PCDH11X: variants seen among roughly 807,000 people sequenced by gnomAD.
The protein encoded by PCDH11X is protocadherin 11 X-linked.
In PCDH11X, 18 loss-of-function variants were observed where a neutral mutation model predicts 53.3. That is an observed-to-expected ratio of 0.34 (90% confidence interval 0.23 to 0.50). The LOEUF is 0.50. PCDH11X is among the 20% of genes least tolerant of loss of function. PCDH11X has a pLI of 0.98. For missense variants in PCDH11X, 570 were observed against 1,032.4 expected, an observed-to-expected ratio of 0.55 and a Z score of 6.14; for synonymous variants, 279 against 393.3, an observed-to-expected ratio of 0.71 and a Z score of 3.44.
At chrX:92,211,313 C>T (rs1172932848) in intron 7 of PCDH11X, among the ~76,000 whole-genome samples, 2 of 110,821 alleles carry the variant, frequency 1.8e-5, no homozygotes, top group Admixed American at 1.9e-4. Context: ...TCCACACTTA[C>T]GAACAACCAG....
At chrX:92,508,059 C>T (rs1402377094) in intron 10 of PCDH11X, among the ~76,000 whole-genome samples, 1 of 110,517 alleles carries the variant, frequency 9.0e-6, no homozygotes, top group East Asian at 2.9e-4. Context: ...AAGTGATCTG[C>T]CGACCTCAGC....
At chrX:92,479,210 G>T (rs2073451685) in intron 10 of PCDH11X, among the ~76,000 whole-genome samples, 1 of 108,408 alleles carries the variant, frequency 9.2e-6, no homozygotes, top group African/African-American at 3.4e-5. Flanking sequence ...CCATTTGTTT[G>T]TATATTTTTT....
At chrX:91,851,151 A>G (rs908542541) in intron 5 of PCDH11X, among the ~76,000 whole-genome samples, 3 of 111,103 alleles carry the variant, frequency 2.7e-5, no homozygotes, top group African/African-American at 9.8e-5. Context: ...GGAGCTGTGG[A>G]AAATTATCCA....
intron 1 of PCDH11X, among the ~76,000 whole-genome samples, chrX:91,782,665 TG>T (rs1192157420): frequency 1.8e-5 from 2 of 108,152 alleles, no homozygotes; most frequent in Non-Finnish European, 3.8e-5. Flanking sequence ...AACTGCAAAT[TG>T]GAAGTTGCGG....
rs764577824 is a variant in PCDH11X, at chrX:91,950,148, TTA to T, written c.3033+70876_3033+70877del. On this transcript the variant is annotated intron_variant, in intron 6 of 10. Transcript: ENST00000682573. Reference sequence around the variant, plus strand: ...TTTGTATTTATTGTCATTCTTTAATTTAATTTTATTTATTTCAATAGCTTTCA... The same window carrying T: ...TTTGTATTTATTGTCATTCTTTAATTATTTTATTTATTTCAATAGCTTTCA... 3.4e-3 allele frequency among the ~76,000 whole-genome samples: 372 copies of T among 109,696 alleles called. 1 individual carries two copies. The highest frequency in any genetic ancestry group is 0.012 in the African/African-American group (357 of 30,253).
chrX:92,484,319 A>G (rs2073595377), intron 10 of PCDH11X, among the ~76,000 whole-genome samples: 1 of 102,957 alleles, frequency 9.7e-6, no homozygotes, highest in Non-Finnish European at 2.0e-5. Flanking sequence ...ATACATATAT[A>G]TATATGCTAG....
intron 5 of PCDH11X, among the ~76,000 whole-genome samples, chrX:91,847,254 C>T (rs1025421364): frequency 2.7e-5 from 3 of 110,693 alleles, no homozygotes; most frequent in Non-Finnish European, 5.7e-5. Flanking sequence ...CAGCCTTGAA[C>T]TCCTGGGCTC....
At chrX:92,610,854 C>A (rs1475326431) in intron 10 of PCDH11X, among the ~76,000 whole-genome samples, 1 of 111,365 alleles carries the variant, frequency 9.0e-6, no homozygotes, top group Non-Finnish European at 1.9e-5. Flanking sequence ...AATAGAAAGT[C>A]TTTTCCCCAC....
At chrX:92,102,520 T>C (rs35459742) in intron 6 of PCDH11X, among the ~76,000 whole-genome samples, 2 of 111,132 alleles carry the variant, frequency 1.8e-5, no homozygotes, top group African/African-American at 3.3e-5. Context: ...AGGGAAAGCA[T>C]GTGTGTTTTT....
chrX:91,877,556 C>A lies in PCDH11X; in HGVS notation c.1316C>A (p.Ala439Glu), dbSNP rs757122873. The change falls in exon 6 of 11, where the codon GCA (alanine) becomes GAA (glutamate). Residue 439 changes from alanine to glutamate, a missense_variant. By Grantham distance (107) the Ala-to-Glu change is moderately radical. This residue lies in a region of PCDH11X where 226 missense variants were observed against 457.5 expected (regional missense o/e 0.49). Coordinates refer to ENST00000682573, the MANE Select transcript of PCDH11X (RefSeq NM_032968.5). ...GAATATGCCATTAAATTACTGGCTG[C>A]AGATGCTGGCAAACCTCCTTTGAAT... ...TKEYAIKLLA[A>E]DAGKPPLNQS... 1 of 1,208,055 alleles carries A rather than the reference C, an allele frequency of 8.3e-7. No homozygotes were observed. The highest frequency in any genetic ancestry group is 2.2e-5 in the Admixed American group (1 of 45,466).
chrX:92,298,294 G>T, intron 8 of PCDH11X, among the ~76,000 whole-genome samples: 1 of 111,597 alleles, frequency 9.0e-6, no homozygotes, highest in African/African-American at 3.3e-5. Context: ...TGTCATAGAT[G>T]ACTCATAGTT....
intron 10 of PCDH11X, among the ~76,000 whole-genome samples, chrX:92,591,894 A>T (rs762417445): frequency 6.3e-5 from 7 of 110,488 alleles, no homozygotes; most frequent in South Asian, 7.9e-4. Flanking sequence ...GATTATGGAG[A>T]TGTCTCCTCT....
chrX:92,336,230 G>T (rs1442663658), intron 8 of PCDH11X, among the ~76,000 whole-genome samples: 3 of 111,642 alleles, frequency 2.7e-5, no homozygotes, highest in African/African-American at 9.7e-5. Context: ...ATGCATGGAA[G>T]ATCCTTTTTC....
At chrX:92,133,002 CTA>C in intron 6 of PCDH11X, among the ~76,000 whole-genome samples, 1 of 110,482 alleles carries the variant, frequency 9.1e-6, no homozygotes, top group Middle Eastern at 4.7e-3. Context: ...ATATTCATGA[CTA>C]GTCTTTTTAA....
At position 92,329,846 on chromosome X, in the gene PCDH11X, G is replaced by C. The variant is rs762674118; in HGVS notation, c.3145-57889G>C. Among the ~76,000 whole-genome samples, 108 of 111,309 alleles carry C rather than the reference G, an allele frequency of 9.7e-4. 1 individual carries two copies. Among genetic ancestry groups the C allele is most frequent in the African/African-American group, 3.4e-3 (103 of 30,737 alleles). On this transcript the variant is annotated intron_variant, in intron 8 of 10. Transcript: ENST00000682573. ...AGAAGCTGGGAAGGGTAGTGGCTGG[G>C]GGGAAGTAAGGATGGTTAATGGGTA...
intron 8 of PCDH11X, among the ~76,000 whole-genome samples, chrX:92,302,692 C>A (rs1465643801): frequency 9.4e-6 from 1 of 106,947 alleles, no homozygotes; most frequent in East Asian, 3.0e-4. Context: ...AAATGCAGCA[C>A]CCATGTACTA....
At chrX:92,365,331 G>A (rs1270445438) in intron 8 of PCDH11X, among the ~76,000 whole-genome samples, 1 of 108,726 alleles carries the variant, frequency 9.2e-6, no homozygotes, top group African/African-American at 3.4e-5. Context: ...CAAGTATTAT[G>A]TACTGTACAT....
At chrX:92,115,620 G>C (rs1450866263) in intron 6 of PCDH11X, among the ~76,000 whole-genome samples, 1 of 110,824 alleles carries the variant, frequency 9.0e-6, no homozygotes, top group African/African-American at 3.3e-5. Context: ...GAAGCCAACA[G>C]TTTAGCCTTC....
At chrX:92,164,164 C>T (rs971952267) in intron 6 of PCDH11X, among the ~76,000 whole-genome samples, 1 of 111,977 alleles carries the variant, frequency 8.9e-6, no homozygotes, top group Non-Finnish European at 1.9e-5. Context: ...TTGGAAGTAA[C>T]ATTTATGACA....
Sources: gnomAD v4.1 joint callset for allele counts (sites outside exome capture counted in the v4.1 genomes callset) on GRCh38, gnomAD v4.1.1 for gene constraint, gnomAD v4.1.1 regional missense constraint, MANE v1.5 for transcripts, NCBI Gene and HGNC (gene_info 2026-07-23, HGNC 2026-07-21) for gene names.